Variants in ABCC4 observed in about 807,000 individuals in gnomAD.
ABCC4 encodes the protein ATP-binding cassette sub-family C member 4.
In ABCC4, 102 loss-of-function variants were observed where a neutral mutation model predicts 168.5. The observed-to-expected ratio is 0.61, with a 90% CI of 0.52 to 0.71. The LOEUF (loss-of-function observed/expected upper bound fraction) is 0.71, where lower values mean the gene tolerates loss of function less well. Among genes scored for constraint, ABCC4 ranks in the 30% least tolerant of loss-of-function variants. ABCC4 has a pLI of 0.00. For synonymous variants in ABCC4, 617 were observed against 590.7 expected (o/e 1.04, Z -0.65); for missense variants, 1,402 against 1,605.8 (o/e 0.87, Z 2.17).
intron 30 of ABCC4, among the ~76,000 whole-genome samples, chr13:95,026,900 A>G (rs982292539): frequency 6.9e-6 from 1 of 144,630 alleles, no homozygotes; most frequent in South Asian, 2.3e-4. Context: ...AAAAAAAAAA[A>G]GAAAAAGAAA....
At chr13:95,208,032 T>G (rs894997066) in intron 6 of ABCC4, 107 bp from the exon 7 acceptor site, 16 of 1,303,434 alleles carry the variant, frequency 1.2e-5, no homozygotes, top group Non-Finnish European at 1.6e-5. Flanking sequence ...ACAGCGCTTT[T>G]GCTTCCGACA....
chr13:95,140,554 G>A (rs1279593977), intron 19 of ABCC4, among the ~76,000 whole-genome samples: 3 of 152,134 alleles, frequency 2.0e-5, no homozygotes, highest in Non-Finnish European at 2.9e-5. Context: ...AAGAAGAGAG[G>A]AGAAATTTCT....
rs1455874620 is a variant in ABCC4 at position 95,025,200 on chromosome 13, AC to A, written c.3871-3519del. On this transcript the variant is annotated intron_variant, in intron 30 of 30. Coordinates refer to ENST00000645237, the MANE Select transcript of ABCC4 (RefSeq NM_005845.5). ...ACACCCACACACACCCACACCACAC[AC>A]CCCCACACCCCCCACACACCCCCAC... Among the ~76,000 whole-genome samples, 13 of 69,656 alleles carry A rather than the reference AC, an allele frequency of 1.9e-4. 1 individual carries two copies. Among genetic ancestry groups the A allele is most frequent in the African/African-American group, 1.1e-3 (12 of 10,992 alleles). The allele number at this position is 69,656 out of a possible 152,430, so 45.7% of individuals were successfully genotyped here. A position where few individuals can be genotyped will look rare whatever the true frequency, so the allele number is the denominator to read the frequency against.
intron 27 of ABCC4, among the ~76,000 whole-genome samples, chr13:95,048,835 G>C (rs545040156): frequency 6.6e-6 from 1 of 152,290 alleles, no homozygotes; most frequent in African/African-American, 2.4e-5. Context: ...ACGTGCTGCT[G>C]ATTCATTTTC....
intron 2 of ABCC4, 86 bp downstream of exon 2, chr13:95,247,557 C>T: frequency 9.8e-7 from 1 of 1,017,638 alleles, no homozygotes; most frequent in Non-Finnish European, 1.5e-6. Flanking sequence ...ACGGAGGCTC[C>T]AGACAGGACC....
In ABCC4 at chr13:95,156,573, C is replaced by T. The variant is rs181818642; in HGVS notation, c.2455+4616G>A. On this transcript the variant is annotated intron_variant, in intron 19 of 30. Transcript: ENST00000645237. The stretch of plus-strand genomic sequence containing the variant: ...AACGGAAACAGGGCTAAGACACACA[C>T]AAAAACTGACTAGGAAGAGGTAGAT... 2.4e-4 allele frequency among the ~76,000 whole-genome samples: 36 copies of T among 152,290 alleles called. No individual in the cohort carries two copies. The East Asian group carries it at 6.6e-3, about 28-fold the overall frequency.
At chr13:95,257,951 C>G (rs978232598) in intron 1 of ABCC4, among the ~76,000 whole-genome samples, 1 of 152,300 alleles carries the variant, frequency 6.6e-6, no homozygotes, top group South Asian at 2.1e-4. Context: ...CGTAACTCAG[C>G]GCACAGCCAT....
chr13:95,149,160 G>A (rs2036594657), intron 19 of ABCC4, among the ~76,000 whole-genome samples: 1 of 152,110 alleles, frequency 6.6e-6, no homozygotes, highest in African/African-American at 2.4e-5. Context: ...GGCTATTTAT[G>A]TCAACAACTA....
intron 30 of ABCC4, among the ~76,000 whole-genome samples, chr13:95,030,610 G>C (rs2031835672): frequency 6.6e-6 from 1 of 152,192 alleles, no homozygotes; most frequent in South Asian, 2.1e-4. Flanking sequence ...TGTCCTTAGA[G>C]AAAGAGGTGA....
At chr13:95,159,619 G>T (rs1215099984) in intron 19 of ABCC4, among the ~76,000 whole-genome samples, 1 of 152,182 alleles carries the variant, frequency 6.6e-6, no homozygotes, top group East Asian at 1.9e-4. Flanking sequence ...TGCTCCAAAT[G>T]TTATGACTGT....
chr13:95,151,838 G>A (rs191272769), intron 19 of ABCC4, among the ~76,000 whole-genome samples: 1 of 152,288 alleles, frequency 6.6e-6, no homozygotes. Context: ...GAAGTAATGT[G>A]ACCGACTTAG....
rs769490301 is a variant in ABCC4, at chr13:95,186,650, A to G, written c.1545+51T>C. 2.6e-6 allele frequency: 4 copies of G among 1,517,250 alleles called. No homozygotes were observed. The Admixed American group carries it at 5.9e-5, about 22-fold the overall frequency. The allele number at this position is 1,517,250 out of a possible 1,614,324, so 94.0% of individuals were successfully genotyped here. A position where few individuals can be genotyped will look rare whatever the true frequency, so the allele number is the denominator to read the frequency against. On this transcript the variant is annotated intron_variant, in intron 11 of 30. Transcript: ENST00000645237. ...AATAAACCTTGTTGTTCAAGTGAACACTAGTATTACTGGACATTCGAGTAC... is the reference window on the plus strand; with the variant it reads ...AATAAACCTTGTTGTTCAAGTGAACGCTAGTATTACTGGACATTCGAGTAC...
intron 3 of ABCC4, 142 bp from the exon 4 acceptor site, chr13:95,234,976 G>T: frequency 1.5e-6 from 1 of 648,798 alleles, no homozygotes; most frequent in Non-Finnish European, 2.6e-6. Context: ...CAGCAGCCTC[G>T]AACTCCCTAA....
At chr13:95,255,012 A>G (rs183978804) in intron 1 of ABCC4, among the ~76,000 whole-genome samples, 1 of 152,354 alleles carries the variant, frequency 6.6e-6, no homozygotes, top group Admixed American at 6.5e-5. Context: ...AGTCCATGAT[A>G]TCAACTTCTC....
chr13:95,029,180 A>ATCTATATCTATATCTATATC (rs1566355114), intron 30 of ABCC4, among the ~76,000 whole-genome samples: 5 of 41,388 alleles, frequency 1.2e-4, no homozygotes, highest in East Asian at 6.8e-4. Context: ...ATATATATAT[A>ATCTATATCTATATCTATATC]TATATATATA....
intron 20 of ABCC4, among the ~76,000 whole-genome samples, chr13:95,101,481 A>G (rs1008013852): frequency 1.3e-5 from 2 of 152,102 alleles, no homozygotes; most frequent in African/African-American, 4.8e-5. Context: ...AGCACTCCCA[A>G]ATTTAAACAG....
chr13:95,233,878 A>G lies in ABCC4; in HGVS notation c.531+732T>C, dbSNP rs1305964987. 4.6e-5 allele frequency among the ~76,000 whole-genome samples: 7 copies of G among 152,328 alleles called. No homozygotes were observed. The East Asian group carries it at 1.3e-3, about 29-fold the overall frequency. On this transcript the variant is annotated intron_variant, in intron 4 of 30. Transcript: ENST00000645237. Reference sequence around the variant, plus strand: ...AAAACCAACATAAAATAGAAACACTATAAGTTCTCTCCAAAATTGTGAAAA... The same window carrying G: ...AAAACCAACATAAAATAGAAACACTGTAAGTTCTCTCCAAAATTGTGAAAA...
Position 95,246,975 on chromosome 13 carries a change from C to T in ABCC4, c.306G>A (p.Glu102=). ...ATTCATGGTATGTAAAAGCTTTTAC[C>T]TCAATTAACGTAAAAATTCCCAAAA... The part of the protein sequence containing the change: ...YLVLGIFTLI[E]ESAKVIQPIF... The change falls in exon 3 of 31, where the codon GAG becomes GAA. Residue 102 remains glutamate (E), a splice_region_variant and synonymous_variant. Coordinates refer to ENST00000645237, the MANE Select transcript of ABCC4 (RefSeq NM_005845.5). 17 of 1,610,952 alleles carry T rather than the reference C, an allele frequency of 1.1e-5. No individual in the cohort carries two copies. The highest frequency in any genetic ancestry group is 1.4e-5 in the Non-Finnish European group (17 of 1,178,692).
chr13:95,201,564 G>T (rs949337230), intron 8 of ABCC4, among the ~76,000 whole-genome samples: 3 of 152,164 alleles, frequency 2.0e-5, no homozygotes, highest in African/African-American at 7.2e-5. Context: ...TCTGCCTTTT[G>T]TAAGTTTAGA....
Sources: allele counts gnomAD v4.1 joint callset (sites outside exome capture counted in the v4.1 genomes callset), GRCh38; gene constraint gnomAD v4.1.1; transcripts MANE v1.5; gene names NCBI Gene and HGNC (gene_info 2026-07-23, HGNC 2026-07-21).